Variants in DOP1B observed in about 807,000 individuals in gnomAD.
The protein encoded by DOP1B is protein DOP1B.
Under a neutral mutation model 233.5 loss-of-function variants are expected in DOP1B, and 174 were observed. The observed-to-expected ratio is 0.75, with a 90% CI of 0.66 to 0.85. The LOEUF (loss-of-function observed/expected upper bound fraction) is 0.85, where lower values mean the gene tolerates loss of function less well. Among genes scored for constraint, DOP1B ranks in the 40% least tolerant of loss-of-function variants. DOP1B has a pLI of 0.00. For missense variants in DOP1B, 2,652 were observed against 2,846.6 expected, an observed-to-expected ratio of 0.93 and a Z score of 1.56; for synonymous variants, 1,190 against 1,185.6, an observed-to-expected ratio of 1.00 and a Z score of -0.08.
Position 36,245,187 on chromosome 21 carries a change from C to T in DOP1B, c.3207C>T (p.Ala1069=), listed in dbSNP as rs769700813. The change falls in exon 19 of 37, where the codon GCC becomes GCT. Residue 1069 remains alanine (A), a synonymous_variant. Coordinates refer to ENST00000691173, the MANE Select transcript of DOP1B (RefSeq NM_001320714.2). The surrounding 1 kb of genome is among the most constrained non-coding windows in gnomAD (Gnocchi z 5.5). Reference sequence around the variant, plus strand: ...CAGTGGACCGTGAAGCCATTTGGGCCGAAGTGGAGAAGGAGCCCGAGAAGT... The same window carrying T: ...CAGTGGACCGTGAAGCCATTTGGGCTGAAGTGGAGAAGGAGCCCGAGAAGT... ...FTTVDREAIW[A]EVEKEPEKYP... is the part of the protein sequence containing the mutation. 1.1e-5 allele frequency: 17 copies of T among 1,613,908 alleles called. No homozygotes were observed. The highest frequency in any genetic ancestry group is 2.2e-5 in the East Asian group (1 of 44,902).
chr21:36,215,781 G>A (rs1265557201), intron 9 of DOP1B, among the ~76,000 whole-genome samples: 1 of 149,620 alleles, frequency 6.7e-6, no homozygotes, highest in African/African-American at 2.4e-5. Context: ...TTGGGAGGCC[G>A]AGGCAGGTGG....
At chr21:36,167,464 C>A (rs1022858958) in intron 2 of DOP1B, among the ~76,000 whole-genome samples, 1 of 152,212 alleles carries the variant, frequency 6.6e-6, no homozygotes, top group Non-Finnish European at 1.5e-5. Flanking sequence ...CATGAGCCAC[C>A]GTGCCCAGCC....
intron 9 of DOP1B, among the ~76,000 whole-genome samples, chr21:36,215,858 C>T (rs2066552711): frequency 8.9e-6 from 1 of 112,126 alleles, no homozygotes; most frequent in Non-Finnish European, 1.9e-5. Context: ...ACTAAAAATA[C>T]AAAAATTAGC....
intron 12 of DOP1B, among the ~76,000 whole-genome samples, chr21:36,226,399 G>A (rs2066683153): frequency 6.6e-6 from 1 of 151,656 alleles, no homozygotes; most frequent in Admixed American, 6.6e-5. Context: ...TGGGGTTCAA[G>A]TGATTCTCCT....
At chr21:36,260,288 AAAGAAAG>A (rs1384994307) in intron 23 of DOP1B, among the ~76,000 whole-genome samples, 18 of 147,416 alleles carry the variant, frequency 1.2e-4, no homozygotes, top group African/African-American at 4.7e-4. Context: ...AGAAAGAAAG[AAAGAAAG>A]AAGAATTAGA....
chr21:36,247,633 A>ATT lies in DOP1B; in HGVS notation c.4809+15_4809+16dup, dbSNP rs5843755. 0.026 allele frequency: 34,589 copies of ATT among 1,317,994 alleles called. No homozygotes were observed. Among genetic ancestry groups the ATT allele is most frequent in the African/African-American group, 0.034 (2,039 of 59,910 alleles). The allele number at this position is 1,317,994 out of a possible 1,614,324, so 81.6% of individuals were successfully genotyped here. On this transcript the variant is annotated splice_donor_region_variant and intron_variant, in intron 20 of 36. Transcript: ENST00000691173. ...CAAGCCAACCAAAACAAAAAGGTAA[A>ATT]TTTTTTTTTTTCCTGAGTTCAAGGC... is the stretch of plus-strand genomic sequence containing the variant.
intron 2 of DOP1B, among the ~76,000 whole-genome samples, chr21:36,172,439 A>G (rs188085479): frequency 7.2e-5 from 11 of 152,320 alleles, no homozygotes; most frequent in Non-Finnish European, 1.3e-4. Flanking sequence ...TCTGCATTCA[A>G]GGGTCCCTGA....
At position 36,288,805 on chromosome 21, in the gene DOP1B, CATT is replaced by C; in HGVS notation, c.6348_6350del (p.Leu2117del). The C allele has an allele frequency of 6.2e-7, 1 of 1,612,316 alleles. No homozygotes were observed. On this transcript the variant is annotated inframe_deletion, in exon 34 of 37. Coordinates refer to ENST00000691173, the MANE Select transcript of DOP1B (RefSeq NM_001320714.2). The stretch of plus-strand genomic sequence containing the variant: ...GAAGATCTAAAAGATGAAGATGAGT[CATT>C]GAGGTAAGCAGTACAAGATCTGTAC...
chr21:36,200,999 C>T (rs2066358578), intron 4 of DOP1B, among the ~76,000 whole-genome samples: 1 of 152,116 alleles, frequency 6.6e-6, no homozygotes. Context: ...GTCCCGAGCC[C>T]GGAGAGATGA....
chr21:36,224,367 ACAGGGTTTCACCATGTTGGC>A (rs2066658290), intron 11 of DOP1B, among the ~76,000 whole-genome samples: 1 of 152,188 alleles, frequency 6.6e-6, no homozygotes, highest in Admixed American at 6.5e-5. Context: ...TTTAGTAGAG[ACAGGGTTTCACCATGTTGGC>A]CAGGCTGGTC....
intron 18 of DOP1B, among the ~76,000 whole-genome samples, chr21:36,243,657 C>T (rs1187396213): frequency 7.0e-6 from 1 of 142,424 alleles, no homozygotes; most frequent in Non-Finnish European, 1.5e-5. Context: ...TAATACTCTT[C>T]TGCTGCTTGA....
intron 10 of DOP1B, among the ~76,000 whole-genome samples, chr21:36,220,562 G>A (rs1188057926): frequency 2.6e-5 from 4 of 151,976 alleles, no homozygotes; most frequent in Non-Finnish European, 4.4e-5. Flanking sequence ...GTGCAGTGGC[G>A]TGAACATGGC....
intron 10 of DOP1B, among the ~76,000 whole-genome samples, chr21:36,222,213 G>A (rs1204593722): frequency 6.6e-6 from 1 of 151,950 alleles, no homozygotes; most frequent in Admixed American, 6.6e-5. Context: ...GTACACTTCT[G>A]CACACATCTA....
In DOP1B at chr21:36,166,149, C is replaced by T. The variant is rs556610512; in HGVS notation, c.138+1278C>T. Reference sequence around the variant, plus strand: ...CCATCTGTGGAGAAATTGTCTTCCACGTGGCCAGACGTGGTGGCTCACACC... The same window carrying T: ...CCATCTGTGGAGAAATTGTCTTCCATGTGGCCAGACGTGGTGGCTCACACC... On this transcript the variant is annotated intron_variant, in intron 2 of 36. Transcript: ENST00000691173. Among the ~76,000 whole-genome samples, 26 of 151,322 alleles carry T rather than the reference C, an allele frequency of 1.7e-4. No individual in the cohort carries two copies. In the South Asian group the frequency reaches 2.1e-3, roughly 12 times the overall value.
intron 2 of DOP1B, among the ~76,000 whole-genome samples, chr21:36,185,983 A>T (rs1470943716): frequency 6.6e-6 from 1 of 152,144 alleles, no homozygotes; most frequent in African/African-American, 2.4e-5. Context: ...CAGGTGGATC[A>T]CTTGAGGTCA....
intron 11 of DOP1B, 113 bp downstream of exon 11, chr21:36,223,463 T>G: frequency 2.2e-6 from 3 of 1,363,430 alleles, no homozygotes; most frequent in Non-Finnish European, 2.9e-6. Context: ...TGAGTAGTCT[T>G]TCCTGAGTTT....
At chr21:36,176,097 C>CGTGTGTGTGCGTGTGTGT (rs2066023692) in intron 2 of DOP1B, among the ~76,000 whole-genome samples, 1 of 141,744 alleles carries the variant, frequency 7.1e-6, no homozygotes, top group African/African-American at 2.6e-5. Flanking sequence ...GGTGTGTGTG[C>CGTGTGTGTGCGTGTGTGT]GTGTGTGTGT....
At chr21:36,169,312 G>A in intron 2 of DOP1B, 1 of 780,932 alleles carries the variant, frequency 1.3e-6, no homozygotes, top group Non-Finnish European at 2.3e-6. Flanking sequence ...CAGTAAGGTA[G>A]CCCTGGTCAA....
rs2067580856 is a variant in DOP1B at position 36,293,365 on chromosome 21, C to T, written c.6691C>T (p.Leu2231Phe). Residue 2231 changes from leucine to phenylalanine, a missense_variant, in exon 37 of 37, where the codon CTT becomes TTT. Physicochemically the swap from Leu to Phe is conservative, Grantham distance 22. Around this residue, in one of 3 missense-constraint regions of DOP1B, gnomAD observed 2,617 missense variants for 2,794.3 expected, o/e 0.94. Coordinates refer to ENST00000691173, the MANE Select transcript of DOP1B (RefSeq NM_001320714.2). ...GATCACCATGAAGAGTGAATTCCCGCTTCTGCGCCAACATTCTGTTTCCAG... is the reference window on the plus strand; with the variant it reads ...GATCACCATGAAGAGTGAATTCCCGTTTCTGCGCCAACATTCTGTTTCCAG... ...DEITMKSEFP[L>F]LRQHSVSSIR... 2 of 1,614,172 alleles carry T rather than the reference C, an allele frequency of 1.2e-6. No homozygotes were observed. The highest frequency in any genetic ancestry group is 1.7e-6 in the Non-Finnish European group (2 of 1,180,032).
Sources: allele counts gnomAD v4.1 joint callset (sites outside exome capture counted in the v4.1 genomes callset), GRCh38; gene constraint gnomAD v4.1.1; regional missense constraint gnomAD v4.1.1; non-coding constraint Gnocchi (gnomAD v3.1); transcripts MANE v1.5; gene names NCBI Gene and HGNC (gene_info 2026-07-23, HGNC 2026-07-21).